The following ADNP variants were observed in gnomAD, a reference collection of about 807,000 sequenced individuals.
The protein encoded by ADNP is activity-dependent neuroprotector homeobox protein.
ADNP carries 4 observed loss-of-function variants against 84.9 expected under a neutral mutation model. The ratio of observed to expected loss-of-function variants is 0.05; its 90% CI spans 0.02 to 0.11. The LOEUF is 0.11. ADNP is among the 10% of genes least tolerant of loss of function. The probability of loss-of-function intolerance (pLI) is 1.00; values close to 1 mark genes in which losing one functional copy is unlikely to be tolerated. For synonymous variants in ADNP, 554 were observed against 468.1 expected (o/e 1.18, Z -2.37); for missense variants, 1,132 against 1,326.0 (o/e 0.85, Z 2.27).
chr20:50,914,178 CTTCAAGATGA>C, intron 2 of ADNP: 2 of 784,134 alleles, frequency 2.6e-6, no homozygotes, highest in East Asian at 2.4e-5. Flanking sequence ...CCAAGGGTAA[CTTCAAGATGA>C]TTCATATCCT....
In ADNP at chr20:50,904,180, T is replaced by C. The variant is rs1192344318; in HGVS notation, c.-5-179A>G. 4 of 586,204 alleles carry C rather than the reference T, an allele frequency of 6.8e-6. No homozygotes were observed. In the Admixed American group the frequency reaches 9.1e-5, roughly 13 times the overall value. The allele number at this position is 586,204 out of a possible 1,614,324, so 36.3% of individuals were successfully genotyped here. A position where few individuals can be genotyped will look rare whatever the true frequency, so the allele number is the denominator to read the frequency against. The stretch of plus-strand genomic sequence containing the variant: ...GCTTTCATGTGCATATGGCTTGATA[T>C]ATCCATCCATCCATCCTTCCTTCCT... On this transcript the variant is annotated intron_variant, in intron 3 of 5. Transcript: ENST00000621696.
At chr20:50,919,292 T>C (rs866923233) in intron 2 of ADNP, among the ~76,000 whole-genome samples, 28,175 of 93,886 alleles carry the variant, frequency 0.3, 3,541 homozygotes, top group Non-Finnish European at 0.33. Context: ...TATTTAAGTG[T>C]ATATATATAT....
intron 5 of ADNP, 65 bp from the exon 6 acceptor site, chr20:50,894,577 T>A (rs1981189158): frequency 6.7e-6 from 10 of 1,491,774 alleles, no homozygotes; most frequent in Non-Finnish European, 9.0e-6. Context: ...AGATTCCAGA[T>A]CCCCCCCGGA....
rs1980662806 is a variant in ADNP at position 50,891,182 on chromosome 20, G to A, written c.*223C>T. ...TGTATTCATGAGTCACCAGCTTATT[G>A]GTTTTTCACATTTAGTTACCGTGTC... On this transcript the variant is annotated 3_prime_UTR_variant, in exon 6 of 6. Transcript: ENST00000621696. The A allele has an allele frequency of 6.1e-6, 8 of 1,310,426 alleles. No individual in the cohort carries two copies. Among genetic ancestry groups the A allele is most frequent in the Non-Finnish European group, 7.7e-6 (8 of 1,034,370 alleles). 81.2% of individuals were successfully genotyped at this position (1,310,426 alleles called of 1,614,324 possible).
At chr20:50,900,312 A>G (rs1391883051) in intron 5 of ADNP, among the ~76,000 whole-genome samples, 1 of 152,222 alleles carries the variant, frequency 6.6e-6, no homozygotes, top group Non-Finnish European at 1.5e-5. Flanking sequence ...GCAACAGGCC[A>G]TACCATATAG....
chr20:50,930,456 G>A (rs1259985722), intron 1 of ADNP, among the ~76,000 whole-genome samples: 2 of 70,150 alleles, frequency 2.9e-5, no homozygotes, highest in East Asian at 9.3e-4. Flanking sequence ...TTGGGGGTGG[G>A]GGGCGGACGG....
chr20:50,902,144 G>C (rs776544859), intron 4 of ADNP, 35 bp from the exon 5 acceptor site: 1 of 1,496,656 alleles, frequency 6.7e-7, no homozygotes, highest in Non-Finnish European at 9.3e-7. Flanking sequence ...CAAAAACATA[G>C]TGGTATAAAC....
intron 5 of ADNP, among the ~76,000 whole-genome samples, chr20:50,899,486 T>C (rs959595906): frequency 7.9e-5 from 12 of 152,150 alleles, no homozygotes; most frequent in African/African-American, 2.9e-4. Flanking sequence ...GCTGGGATTA[T>C]AGGCATGAGC....
At chr20:50,925,674 A>G (rs1486253259) in intron 2 of ADNP, among the ~76,000 whole-genome samples, 1 of 152,264 alleles carries the variant, frequency 6.6e-6, no homozygotes, top group Non-Finnish European at 1.5e-5. Flanking sequence ...TCAGTTAATT[A>G]GCATGGGGCT....
rs755683952 is a variant in ADNP, at chr20:50,892,626, G to T, written c.2088C>A (p.Gly696=). The change falls in exon 6 of 6, where the codon GGC becomes GGA. Residue 696 remains glycine (G), a synonymous_variant. Transcript: ENST00000621696. ...HCRGVGKTQN[G]QDKTNAPSRL... ...GAGAGGGTGCATTTGTCTTATCCTGGCCATTTTGGGTCTTTCCAACGCCCC... is the reference window on the plus strand; with the variant it reads ...GAGAGGGTGCATTTGTCTTATCCTGTCCATTTTGGGTCTTTCCAACGCCCC... 8.7e-6 allele frequency: 14 copies of T among 1,614,058 alleles called. No individual in the cohort carries two copies. The highest frequency in any genetic ancestry group is 6.6e-5 in the South Asian group (6 of 91,084).
Position 50,892,123 on chromosome 20 carries a change from T to A in ADNP, c.2591A>T (p.Lys864Ile), listed in dbSNP as rs1325811062. Residue 864 changes from lysine (K) to isoleucine (I), a missense_variant, in exon 6 of 6, where the codon AAA (lysine) becomes ATA (isoleucine). By Grantham distance (102) the Lys-to-Ile change is moderately radical. Coordinates refer to ENST00000621696, the MANE Select transcript of ADNP (RefSeq NM_001282531.3). Reference protein sequence around the residue: ...SRVNASKTADKKLNLGKEDDS... With the variant: ...SRVNASKTADIKLNLGKEDDS... Reference sequence around the variant, plus strand: ...ATCTTCCTTCCCAAGGTTGAGCTTTTTGTCAGCAGTCTTACTAGCATTGAC... The same window carrying A: ...ATCTTCCTTCCCAAGGTTGAGCTTTATGTCAGCAGTCTTACTAGCATTGAC... 1.9e-6 allele frequency: 3 copies of A among 1,614,062 alleles called. No individual in the cohort carries two copies. The African/African-American group carries it at 4.0e-5, about 22-fold the overall frequency.
At chr20:50,908,205 C>G (rs1982684517) in intron 2 of ADNP, among the ~76,000 whole-genome samples, 2 of 139,618 alleles carry the variant, frequency 1.4e-5, no homozygotes. Flanking sequence ...AACAAGCACA[C>G]AATTCAGAAA....
At chr20:50,899,347 A>C (rs1197406568) in intron 5 of ADNP, among the ~76,000 whole-genome samples, 4 of 151,902 alleles carry the variant, frequency 2.6e-5, no homozygotes, top group African/African-American at 7.3e-5. Context: ...AGTAGCTGGG[A>C]TTACAGGCAT....
chr20:50,904,253 C>T (rs921518597), intron 3 of ADNP: 2 of 436,490 alleles, frequency 4.6e-6, no homozygotes, highest in African/African-American at 2.0e-5. Context: ...GAGTGCAGTG[C>T]ACTCATGGTT....
intron 2 of ADNP, among the ~76,000 whole-genome samples, chr20:50,924,285 T>C (rs1264202396): frequency 1.3e-5 from 2 of 152,218 alleles, no homozygotes; most frequent in East Asian, 3.9e-4. Context: ...GCTACTCCAA[T>C]TAACTGCCAC....
intron 2 of ADNP, among the ~76,000 whole-genome samples, chr20:50,914,689 G>A (rs997742380): frequency 2.0e-5 from 3 of 152,032 alleles, no homozygotes; most frequent in Non-Finnish European, 4.4e-5. Flanking sequence ...AGCAACCTCC[G>A]AGCATGCACC....
At chr20:50,920,070 A>G (rs1365250337) in intron 2 of ADNP, among the ~76,000 whole-genome samples, 2 of 149,852 alleles carry the variant, frequency 1.3e-5, no homozygotes, top group Non-Finnish European at 1.5e-5. Context: ...CGAAGTCAGG[A>G]GCTCGAGACC....
rs117463227 is a variant in ADNP at position 50,907,680 on chromosome 20, A to C, written c.-89-2831T>G. 9.6e-3 allele frequency among the ~76,000 whole-genome samples: 1,458 copies of C among 152,098 alleles called. 14 individuals are homozygous for C. The highest frequency in any genetic ancestry group is 0.013 in the Non-Finnish European group (912 of 67,994). ...TCACTGCAGCCTTGACTTCCTGGGC[A>C]CAAGTGATCTTCCCACCTCAGCCCC... On this transcript the variant is annotated intron_variant, in intron 2 of 5. Coordinates refer to ENST00000621696, the MANE Select transcript of ADNP (RefSeq NM_001282531.3).
At chr20:50,918,161 A>G (rs749155978) in intron 2 of ADNP, among the ~76,000 whole-genome samples, 1 of 151,686 alleles carries the variant, frequency 6.6e-6, no homozygotes, top group Non-Finnish European at 1.5e-5. Flanking sequence ...AAAAATAAAC[A>G]CATTCTTTTT....
Sources: gnomAD v4.1 joint callset for allele counts (sites outside exome capture counted in the v4.1 genomes callset) on GRCh38, gnomAD v4.1.1 for gene constraint, MANE v1.5 for transcripts, NCBI Gene and HGNC (gene_info 2026-07-23, HGNC 2026-07-21) for gene names.